Variants in MYT1L observed in about 807,000 individuals in gnomAD.
MYT1L encodes the protein myelin transcription factor 1-like protein.
A neutral mutation model predicts 126.7 loss-of-function variants in MYT1L; 12 were observed. The ratio of observed to expected loss-of-function variants is 0.09; its 90% CI spans 0.06 to 0.15. MYT1L has a LOEUF of 0.15. Ranked by LOEUF, MYT1L falls within the 10% of genes least tolerant of loss-of-function variation. The pLI, the probability that MYT1L is intolerant of heterozygous loss-of-function variation, is 1.00. For missense variants in MYT1L, 979 were observed against 1,585.2 expected, an observed-to-expected ratio of 0.62 and a Z score of 6.49; for synonymous variants, 541 against 604.2, an observed-to-expected ratio of 0.90 and a Z score of 1.53.
intron 2 of MYT1L, among the ~76,000 whole-genome samples, chr2:2,277,420 C>A (rs1027994322): frequency 1.3e-5 from 2 of 152,196 alleles, no homozygotes; most frequent in African/African-American, 4.8e-5. Flanking sequence ...ATGACAGGGT[C>A]CCACGGGTGG....
rs553189102 is a variant in MYT1L at position 1,822,628 on chromosome 2, C to T, written c.3081-13461G>A. ...CTTCGAGAGGGTCCCCTTCCTTCCT[C>T]CAGGGACAGGATGGCTGTTGTGGTA... On this transcript the variant is annotated intron_variant, in intron 21 of 24. Coordinates refer to ENST00000647738, the MANE Select transcript of MYT1L (RefSeq NM_001303052.2). Among the ~76,000 whole-genome samples, 58 of 152,326 alleles carry T rather than the reference C, an allele frequency of 3.8e-4. 1 individual carries two copies. Among genetic ancestry groups the T allele is most frequent in the African/African-American group, 1.4e-3 (57 of 41,586 alleles).
At chr2:1,875,851 C>T (rs964354959) in intron 18 of MYT1L, among the ~76,000 whole-genome samples, 2 of 152,206 alleles carry the variant, frequency 1.3e-5, no homozygotes, top group Non-Finnish European at 2.9e-5. Context: ...CCCTCTCCCA[C>T]CCCAGGGCTC....
At chr2:2,263,134 T>A (rs73913296) in intron 2 of MYT1L, among the ~76,000 whole-genome samples, 2,435 of 151,650 alleles carry the variant, frequency 0.016, 67 homozygotes, top group African/African-American at 0.056. Context: ...AAGGTAGTCA[T>A]ATTTAATTCT....
intron 13 of MYT1L, among the ~76,000 whole-genome samples, chr2:1,908,229 G>A (rs764108313): frequency 4.6e-5 from 7 of 152,232 alleles, no homozygotes; most frequent in East Asian, 1.9e-4. Flanking sequence ...GCTTCAGGCC[G>A]GAACATCGGA....
At chr2:2,172,016 A>G (rs1054853241) in intron 3 of MYT1L, among the ~76,000 whole-genome samples, 8 of 152,318 alleles carry the variant, frequency 5.3e-5, no homozygotes, top group Admixed American at 5.2e-4. Context: ...GCTATTCATC[A>G]GAGTAACATA....
At chr2:2,233,049 C>T (rs1321045043) in intron 2 of MYT1L, among the ~76,000 whole-genome samples, 3 of 152,220 alleles carry the variant, frequency 2.0e-5, no homozygotes, top group Non-Finnish European at 2.9e-5. Flanking sequence ...GCCCAGCCTG[C>T]ATTAAGCACT....
intron 4 of MYT1L, among the ~76,000 whole-genome samples, chr2:2,016,083 C>T (rs549151586): frequency 6.6e-6 from 1 of 152,320 alleles, no homozygotes; most frequent in African/African-American, 2.4e-5. Context: ...CATCTTGGGT[C>T]AGCTAAAGCC....
At chr2:2,232,484 G>A (rs530676906) in intron 2 of MYT1L, among the ~76,000 whole-genome samples, 7 of 152,266 alleles carry the variant, frequency 4.6e-5, no homozygotes, top group African/African-American at 7.2e-5. Flanking sequence ...AATTTCTCTC[G>A]GCCCAAGTAG....
chr2:1,934,198 TCTC>T (rs2055464691), intron 9 of MYT1L, among the ~76,000 whole-genome samples: 1 of 151,128 alleles, frequency 6.6e-6, no homozygotes, highest in African/African-American at 2.4e-5. Context: ...ATGGTCTCGA[TCTC>T]CTGACCTCGT....
At chr2:2,136,274 T>C (rs1303360956) in intron 3 of MYT1L, among the ~76,000 whole-genome samples, 1 of 152,244 alleles carries the variant, frequency 6.6e-6, no homozygotes, top group East Asian at 1.9e-4. Context: ...TTTCAGAAAC[T>C]GCATATTCCA....
intron 2 of MYT1L, among the ~76,000 whole-genome samples, chr2:2,212,196 T>C (rs890170234): frequency 1.3e-5 from 2 of 152,142 alleles, no homozygotes; most frequent in Non-Finnish European, 2.9e-5. Context: ...TCTTATAACC[T>C]GATACCTTTG....
intron 4 of MYT1L, among the ~76,000 whole-genome samples, chr2:2,036,573 A>G (rs997316182): frequency 2.6e-5 from 4 of 152,248 alleles, no homozygotes; most frequent in Admixed American, 6.5e-5. Context: ...CATGGCAGAA[A>G]CTCGGCAGCC....
chr2:1,936,111 C>T (rs2055846010), intron 9 of MYT1L, among the ~76,000 whole-genome samples: 1 of 152,118 alleles, frequency 6.6e-6, no homozygotes, highest in African/African-American at 2.4e-5. Flanking sequence ...TTAGTAGAGA[C>T]AGGGTTTTGG....
intron 4 of MYT1L, among the ~76,000 whole-genome samples, chr2:2,026,699 G>A (rs1002889044): frequency 2.6e-5 from 4 of 152,292 alleles, no homozygotes; most frequent in East Asian, 1.9e-4. Context: ...CCCGAGGCCC[G>A]GGAGGTACAG....
At chr2:1,820,726 T>C (rs1271619978) in intron 21 of MYT1L, among the ~76,000 whole-genome samples, 4 of 152,126 alleles carry the variant, frequency 2.6e-5, no homozygotes, top group Non-Finnish European at 5.9e-5. Flanking sequence ...TTTAAATTTT[T>C]TGTAGAGATG....
At chr2:2,142,117 A>AATTTCT (rs2084075548) in intron 3 of MYT1L, among the ~76,000 whole-genome samples, 1 of 152,142 alleles carries the variant, frequency 6.6e-6, no homozygotes, top group Non-Finnish European at 1.5e-5. Flanking sequence ...CTCTCATATG[A>AATTTCT]CACAAAATTA....
chr2:1,889,438 G>A lies in MYT1L; in HGVS notation c.2323C>T (p.Leu775Phe), dbSNP rs780103221. 6.2e-7 allele frequency: 1 copy of A among 1,612,200 alleles called. No homozygotes were observed. ...CGCGGCCTCTGCTTGTTCATGCTGA[G>A]GTCCAGGGTCCCGTTCTCATCCACC... ...MEVDENGTLD[L>F]SMNKQRPRDS... The change falls in exon 16 of 25, where the codon CTC (leucine) becomes TTC (phenylalanine). Residue 775 changes from leucine to phenylalanine, a missense_variant. Leu to Phe is a conservative substitution (Grantham distance 22). Around this residue, in one of 12 missense-constraint regions of MYT1L, gnomAD observed 141 missense variants for 170.6 expected, o/e 0.83. Coordinates refer to ENST00000647738, the MANE Select transcript of MYT1L (RefSeq NM_001303052.2). The surrounding 1 kb of genome is among the most constrained non-coding windows in gnomAD (Gnocchi z 4.1).
chr2:2,219,238 T>G (rs2093782147), intron 2 of MYT1L, among the ~76,000 whole-genome samples: 1 of 152,162 alleles, frequency 6.6e-6, no homozygotes, highest in South Asian at 2.1e-4. Context: ...CTCCATTTAG[T>G]CAACGGCTAA....
intron 3 of MYT1L, 39 bp from the exon 4 acceptor site, chr2:2,054,162 T>G (rs2069177201): frequency 1.3e-5 from 2 of 152,644 alleles, no homozygotes; most frequent in African/African-American, 4.8e-5. Context: ...GAGGCTGATA[T>G]TCACAGTAAA....
Sources: gnomAD v4.1 joint callset for allele counts (sites outside exome capture counted in the v4.1 genomes callset) on GRCh38, gnomAD v4.1.1 for gene constraint, gnomAD v4.1.1 regional missense constraint, Gnocchi (gnomAD v3.1) non-coding constraint, MANE v1.5 for transcripts, NCBI Gene and HGNC (gene_info 2026-07-23, HGNC 2026-07-21) for gene names.